The following PRKN variants were observed in gnomAD, a reference collection of about 807,000 sequenced individuals.
PRKN encodes the protein parkin RBR E3 ubiquitin protein ligase.
A neutral mutation model predicts 59.5 loss-of-function variants in PRKN; 56 were observed. That is an observed-to-expected ratio of 0.94 (90% CI 0.76 to 1.18). The LOEUF (loss-of-function observed/expected upper bound fraction) is 1.18, where lower values mean the gene tolerates loss of function less well. PRKN is among the 50% of genes most tolerant of loss of function. The pLI is 0.00. For synonymous variants in PRKN, 250 were observed against 222.1 expected, an observed-to-expected ratio of 1.13 and a Z score of -1.12; for missense variants, 657 against 596.4, an observed-to-expected ratio of 1.10 and a Z score of -1.06.
chr6:161,850,974 T>C (rs1793409713), intron 6 of PRKN, among the ~76,000 whole-genome samples: 2 of 152,200 alleles, frequency 1.3e-5, no homozygotes, highest in African/African-American at 4.8e-5. Context: ...TGTGAAATCG[T>C]AGGAAAATAC....
At chr6:161,569,699 C>G (rs1366293549) in intron 7 of PRKN, among the ~76,000 whole-genome samples, 1 of 152,190 alleles carries the variant, frequency 6.6e-6, no homozygotes, top group African/African-American at 2.4e-5. Flanking sequence ...GGATGTCATG[C>G]CACTCTGGTT....
intron 6 of PRKN, among the ~76,000 whole-genome samples, chr6:161,891,359 A>G (rs900127434): frequency 2.0e-5 from 3 of 152,194 alleles, no homozygotes; most frequent in African/African-American, 4.8e-5. Flanking sequence ...TAATCTAAAA[A>G]GCACTTTTTG....
chr6:161,580,724 C>T (rs747014598), intron 7 of PRKN, among the ~76,000 whole-genome samples: 3 of 151,878 alleles, frequency 2.0e-5, no homozygotes, highest in East Asian at 1.9e-4. Context: ...ATGATCCACC[C>T]GCCTCGGCCC....
At chr6:162,661,839 A>G (rs1778894404) in intron 1 of PRKN, among the ~76,000 whole-genome samples, 1 of 152,198 alleles carries the variant, frequency 6.6e-6, no homozygotes, top group Admixed American at 6.5e-5. Flanking sequence ...GTTTATTAAA[A>G]TATATCGAGG....
At chr6:162,547,907 C>T (rs781484636) in intron 1 of PRKN, among the ~76,000 whole-genome samples, 9 of 150,754 alleles carry the variant, frequency 6.0e-5, no homozygotes, top group Admixed American at 4.6e-4. Context: ...GGCCAAGATC[C>T]GATAAGAAGT....
chr6:161,956,717 A>G (rs895581899), intron 6 of PRKN, among the ~76,000 whole-genome samples: 10 of 152,150 alleles, frequency 6.6e-5, no homozygotes, highest in Non-Finnish European at 1.2e-4. Flanking sequence ...ATATGCAATT[A>G]TATATATAAT....
At chr6:161,750,650 C>T (rs1164024132) in intron 7 of PRKN, among the ~76,000 whole-genome samples, 1 of 151,618 alleles carries the variant, frequency 6.6e-6, no homozygotes, top group African/African-American at 2.4e-5. Context: ...GCCTGTAATC[C>T]CAGCTACTAG....
chr6:162,424,483 C>A (rs560126108), intron 2 of PRKN, among the ~76,000 whole-genome samples: 1 of 152,182 alleles, frequency 6.6e-6, no homozygotes, highest in South Asian at 2.1e-4. Context: ...CGCTTGTAAT[C>A]CCAGCACTTT....
intron 2 of PRKN, among the ~76,000 whole-genome samples, chr6:162,313,948 A>G (rs1782641490): frequency 6.6e-6 from 1 of 152,218 alleles, no homozygotes; most frequent in African/African-American, 2.4e-5. Context: ...TTTGTTTTAA[A>G]TTTTTGAAAC....
At chr6:162,331,491 T>G (rs1025026496) in intron 2 of PRKN, among the ~76,000 whole-genome samples, 1 of 152,230 alleles carries the variant, frequency 6.6e-6, no homozygotes, top group African/African-American at 2.4e-5. Flanking sequence ...TTCTGCTCTA[T>G]GAAAACATTT....
chr6:162,584,898 TC>T (rs1780980373), intron 1 of PRKN, among the ~76,000 whole-genome samples: 4 of 72,410 alleles, frequency 5.5e-5, no homozygotes, highest in Admixed American at 1.5e-4. Flanking sequence ...TCCCCTCCCC[TC>T]TCCTCTTCTC....
At chr6:161,647,215 C>T (rs112540712) in intron 7 of PRKN, among the ~76,000 whole-genome samples, 7,220 of 152,286 alleles carry the variant, frequency 0.047, 184 homozygotes, top group Non-Finnish European at 0.056. Flanking sequence ...TAAGGATTTC[C>T]ATTCAGAGCC....
chr6:161,915,980 A>AATTT (rs1778542068), intron 6 of PRKN, among the ~76,000 whole-genome samples: 1 of 152,208 alleles, frequency 6.6e-6, no homozygotes, highest in Admixed American at 6.5e-5. Flanking sequence ...ACCATTGATA[A>AATTT]ATTTATTCTC....
Position 161,377,968 on chromosome 6 carries a change from C to T in PRKN, c.1167+8826G>A, listed in dbSNP as rs1785795520. Among the ~76,000 whole-genome samples, 1 of 152,090 alleles carries T rather than the reference C, an allele frequency of 6.6e-6. No individual in the cohort carries two copies. Among genetic ancestry groups the T allele is most frequent in the Admixed American group, 6.6e-5 (1 of 15,262 alleles). ...TCTACGGTATTGAGTGACAGCAGCC[C>T]AAACAGATGAGGCAGCAGCTGACAG... On this transcript the variant is annotated intron_variant, in intron 10 of 11. Transcript: ENST00000366898. The surrounding 1 kb of genome is among the most constrained non-coding windows in gnomAD (Gnocchi z 4.2).
intron 1 of PRKN, among the ~76,000 whole-genome samples, chr6:162,511,633 AAG>A (rs1777623202): frequency 6.6e-6 from 1 of 152,110 alleles, no homozygotes; most frequent in Admixed American, 6.6e-5. Flanking sequence ...TATACGACTA[AAG>A]AGATCATACT....
At chr6:161,982,080 G>A (rs1038659519) in intron 5 of PRKN, among the ~76,000 whole-genome samples, 19 of 152,146 alleles carry the variant, frequency 1.2e-4, no homozygotes, top group African/African-American at 4.6e-4. Context: ...CCCCTTCTCT[G>A]CCTGATTGTA....
At position 162,297,270 on chromosome 6, in the gene PRKN, T is replaced by A. The variant is rs147199655; in HGVS notation, c.172-34505A>T. Among the ~76,000 whole-genome samples the A allele has an allele frequency of 4.8e-3, 723 of 150,614 alleles. 6 individuals are homozygous for A. Among genetic ancestry groups the A allele is most frequent in the African/African-American group, 0.017 (689 of 40,938 alleles). ...TGAAGAATATACATGGGACCTAAAATAGCTCTGGGTCCTTTTCAACTGTGG... is the reference window on the plus strand; with the variant it reads ...TGAAGAATATACATGGGACCTAAAAAAGCTCTGGGTCCTTTTCAACTGTGG... On this transcript the variant is annotated intron_variant, in intron 2 of 11. Transcript: ENST00000366898.
chr6:162,314,708 C>G (rs2128119250), intron 2 of PRKN, among the ~76,000 whole-genome samples: 1 of 152,250 alleles, frequency 6.6e-6, no homozygotes, highest in South Asian at 2.1e-4. Flanking sequence ...CACTATCAAC[C>G]CAACGAACAG....
chr6:161,926,494 C>T (rs932956240), intron 6 of PRKN, among the ~76,000 whole-genome samples: 4 of 152,154 alleles, frequency 2.6e-5, no homozygotes, highest in Non-Finnish European at 5.9e-5. Context: ...AGATGAAGTA[C>T]TGAATAAATA....
Sources: allele counts gnomAD v4.1 joint callset (sites outside exome capture counted in the v4.1 genomes callset), GRCh38; gene constraint gnomAD v4.1.1; non-coding constraint Gnocchi (gnomAD v3.1); transcripts MANE v1.5; gene names NCBI Gene and HGNC (gene_info 2026-07-23, HGNC 2026-07-21).